Variants in CDK14 observed in about 807,000 individuals in gnomAD.
CDK14 encodes the protein cyclin dependent kinase 14.
A neutral mutation model predicts 60.7 loss-of-function variants in CDK14; 34 were observed. The ratio of observed to expected loss-of-function variants is 0.56; its 90% CI spans 0.43 to 0.75. The LOEUF (loss-of-function observed/expected upper bound fraction) is 0.75, where lower values mean the gene tolerates loss of function less well. Among genes scored for constraint, CDK14 ranks in the 30% least tolerant of loss-of-function variants. The pLI is 0.00. For synonymous variants in CDK14, 197 were observed against 203.7 expected (o/e 0.97, Z 0.28); for missense variants, 482 against 564.1 (o/e 0.85, Z 1.47).
At chr7:90,851,784 T>G (rs1272862105) in intron 5 of CDK14, among the ~76,000 whole-genome samples, 2 of 151,916 alleles carry the variant, frequency 1.3e-5, no homozygotes, top group African/African-American at 4.8e-5. Flanking sequence ...GTTTTTTTTT[T>G]AATTATTATG....
chr7:90,879,957 C>T lies in CDK14; in HGVS notation c.639+16688C>T, dbSNP rs147277366. Among the ~76,000 whole-genome samples the T allele has an allele frequency of 2.5e-3, 374 of 152,316 alleles. 1 individual carries two copies. Among genetic ancestry groups the T allele is most frequent in the Non-Finnish European group, 4.0e-3 (274 of 68,028 alleles). ...ACTGTGCTTTTTCCACAGAACTGTG[C>T]AACCCACCAATCGGAAGATCCCACT... On this transcript the variant is annotated intron_variant, in intron 6 of 14. Transcript: ENST00000380050.
intron 14 of CDK14, among the ~76,000 whole-genome samples, chr7:91,203,245 C>T (rs920595616): frequency 6.6e-6 from 1 of 152,090 alleles, no homozygotes; most frequent in Non-Finnish European, 1.5e-5. Flanking sequence ...TCACAGGCAT[C>T]ACATTTGCCT....
intron 14 of CDK14, among the ~76,000 whole-genome samples, chr7:91,171,299 G>A (rs1038280919): frequency 1.3e-4 from 19 of 151,944 alleles, no homozygotes; most frequent in African/African-American, 4.1e-4. Flanking sequence ...GCAGTGAGCC[G>A]AGATCGCGCC....
At chr7:91,067,488 T>C (rs1253280744) in intron 11 of CDK14, among the ~76,000 whole-genome samples, 1 of 152,222 alleles carries the variant, frequency 6.6e-6, no homozygotes, top group Non-Finnish European at 1.5e-5. Context: ...CTGTAGTCTC[T>C]AGTGGGGACT....
chr7:90,837,112 A>T (rs1584029588), intron 5 of CDK14, among the ~76,000 whole-genome samples: 1 of 152,240 alleles, frequency 6.6e-6, no homozygotes, highest in East Asian at 1.9e-4. Flanking sequence ...TTAGAGTTTA[A>T]TGGGATAGCT....
rs1803004745 is a variant in CDK14, at chr7:91,209,541, T to C, written c.*2405T>C. The C allele has an allele frequency of 6.6e-6, 1 of 150,830 alleles. No individual in the cohort carries two copies. Among genetic ancestry groups the C allele is most frequent in the Non-Finnish European group, 1.5e-5 (1 of 67,620 alleles). 9.3% of individuals were successfully genotyped at this position (150,830 alleles called of 1,614,324 possible). A position where few individuals can be genotyped will look rare whatever the true frequency, so the allele number is the denominator to read the frequency against. On this transcript the variant is annotated 3_prime_UTR_variant, in exon 15 of 15. Coordinates refer to ENST00000380050, the MANE Select transcript of CDK14 (RefSeq NM_001287135.2). ...CCTTGTGGGCAGTCATGAAAATCAA[T>C]TCAGACTGTGTTGATTAGCAGATTT...
At chr7:90,869,311 G>A (rs1342102555) in intron 6 of CDK14, among the ~76,000 whole-genome samples, 1 of 152,224 alleles carries the variant, frequency 6.6e-6, no homozygotes. Flanking sequence ...ATCTGAAGGA[G>A]ATGAAAGAGG....
At chr7:91,094,754 A>G (rs1798931360) in intron 12 of CDK14, among the ~76,000 whole-genome samples, 1 of 152,166 alleles carries the variant, frequency 6.6e-6, no homozygotes, top group Non-Finnish European at 1.5e-5. Flanking sequence ...TCAGCGATCA[A>G]GATAAATAAC....
intron 12 of CDK14, among the ~76,000 whole-genome samples, chr7:91,108,611 C>G (rs1428141110): frequency 1.3e-5 from 2 of 152,270 alleles, no homozygotes; most frequent in South Asian, 2.1e-4. Context: ...TGGCTATTTG[C>G]CTGCCACTAT....
intron 10 of CDK14, among the ~76,000 whole-genome samples, chr7:90,998,477 T>G (rs1795747730): frequency 6.6e-6 from 1 of 152,228 alleles, no homozygotes; most frequent in South Asian, 2.1e-4. Flanking sequence ...GAATAGACAC[T>G]TGGGCAATAA....
intron 14 of CDK14, among the ~76,000 whole-genome samples, chr7:91,169,220 A>T (rs773351203): frequency 6.6e-6 from 1 of 152,140 alleles, no homozygotes; most frequent in Non-Finnish European, 1.5e-5. Flanking sequence ...ACACCGAGTG[A>T]CCTAATATAC....
intron 3 of CDK14, among the ~76,000 whole-genome samples, chr7:90,743,447 A>G (rs886292265): frequency 1.3e-5 from 2 of 151,930 alleles, no homozygotes. Context: ...CTAATCTATG[A>G]TTTTTTTTGG....
intron 8 of CDK14, among the ~76,000 whole-genome samples, chr7:90,938,080 A>T (rs1410381205): frequency 6.6e-6 from 1 of 152,244 alleles, no homozygotes; most frequent in African/African-American, 2.4e-5. Context: ...TGCAATTTGT[A>T]TTAAAGCTCA....
chr7:90,888,659 A>G (rs771689708), intron 6 of CDK14, among the ~76,000 whole-genome samples: 7 of 152,242 alleles, frequency 4.6e-5, no homozygotes, highest in Non-Finnish European at 8.8e-5. Context: ...TTTGAGAGTT[A>G]AGATATTCCT....
At chr7:91,125,620 A>G (rs1562915415) in intron 14 of CDK14, among the ~76,000 whole-genome samples, 1 of 152,164 alleles carries the variant, frequency 6.6e-6, no homozygotes, top group Non-Finnish European at 1.5e-5. Context: ...TGTGAAGATA[A>G]CATCATAGAT....
At chr7:90,641,099 C>G (rs1282226366) in intron 2 of CDK14, among the ~76,000 whole-genome samples, 1 of 148,010 alleles carries the variant, frequency 6.8e-6, no homozygotes, top group Non-Finnish European at 1.5e-5. Context: ...TCTAGGATGG[C>G]CTGAAGAAAA....
At chr7:91,172,785 T>C (rs1801568102) in intron 14 of CDK14, among the ~76,000 whole-genome samples, 1 of 152,230 alleles carries the variant, frequency 6.6e-6, no homozygotes, top group African/African-American at 2.4e-5. Flanking sequence ...AAGAAGCCTT[T>C]TTTTCACTTC....
intron 6 of CDK14, among the ~76,000 whole-genome samples, chr7:90,875,452 A>G (rs549180244): frequency 7.6e-4 from 116 of 152,050 alleles, no homozygotes; most frequent in Non-Finnish European, 1.4e-3. Context: ...AAGTGGATGC[A>G]CCATTTTACA....
chr7:90,731,655 G>C (rs985034677), intron 3 of CDK14, among the ~76,000 whole-genome samples: 3 of 152,156 alleles, frequency 2.0e-5, no homozygotes, highest in African/African-American at 7.2e-5. Context: ...TGTTATTGGT[G>C]TATAGGAATG....
Sources: gnomAD v4.1 joint callset for allele counts (sites outside exome capture counted in the v4.1 genomes callset) on GRCh38, gnomAD v4.1.1 for gene constraint, MANE v1.5 for transcripts, NCBI Gene and HGNC (gene_info 2026-07-23, HGNC 2026-07-21) for gene names.